RPS6KA2: variants seen among roughly 807,000 people sequenced by gnomAD.
The protein encoded by RPS6KA2 is ribosomal protein S6 kinase A2, also known as ribosomal protein S6 kinase alpha-2.
In RPS6KA2, 42 loss-of-function variants were observed where a neutral mutation model predicts 91.8. The ratio of observed to expected loss-of-function variants is 0.46; its 90% CI spans 0.36 to 0.59. The LOEUF is 0.59. Among genes scored for constraint, RPS6KA2 ranks in the 20% least tolerant of loss-of-function variants. RPS6KA2 has a pLI of 0.00. For synonymous variants in RPS6KA2, 414 were observed against 393.6 expected (o/e 1.05, Z -0.61); for missense variants, 798 against 978.5 (o/e 0.82, Z 2.46).
rs1327712300 is a variant in RPS6KA2 at position 166,626,266 on chromosome 6, A to G, written c.99+655T>C. ...TAAGATGCCAAGATGCGGGACAGGT[A>G]GAAAGGACAGGGCTTTGGGAGTACT... On this transcript the variant is annotated intron_variant, in intron 1 of 20. Coordinates refer to ENST00000265678, the MANE Select transcript of RPS6KA2 (RefSeq NM_021135.6). This position sits in a 1 kb window ranked among gnomAD's most constrained non-coding sequence, Gnocchi z 4.1. 6.6e-6 allele frequency among the ~76,000 whole-genome samples: 1 copy of G among 152,252 alleles called. No individual in the cohort carries two copies. Among genetic ancestry groups the G allele is most frequent in the Non-Finnish European group, 1.5e-5 (1 of 68,038 alleles).
In RPS6KA2 at chr6:166,424,234, A is replaced by G. The variant is rs553622087; in HGVS notation, c.1582-817T>C. Reference sequence around the variant, plus strand: ...AATCAAAGACTGTGGCTTTACTTCCATTACCTCCCCTCATTAAATACAAGC... The same window carrying G: ...AATCAAAGACTGTGGCTTTACTTCCGTTACCTCCCCTCATTAAATACAAGC... On this transcript the variant is annotated intron_variant, in intron 16 of 20. Coordinates refer to ENST00000265678, the MANE Select transcript of RPS6KA2 (RefSeq NM_021135.6). Among the ~76,000 whole-genome samples the G allele has an allele frequency of 7.9e-5, 12 of 152,260 alleles. No individual in the cohort carries two copies. In the South Asian group the frequency reaches 2.5e-3, roughly 32 times the overall value.
At chr6:166,526,750 T>C (rs6908724) in intron 3 of RPS6KA2, among the ~76,000 whole-genome samples, 29,910 of 152,170 alleles carry the variant, frequency 0.2, 3,137 homozygotes, top group African/African-American at 0.26. Context: ...ATTAGAGATA[T>C]TTCATTTCTG....
rs564288890 is a variant in RPS6KA2, at chr6:166,793,923, C to T, written c.123+64277G>A. Among the ~76,000 whole-genome samples, 472 of 148,266 alleles carry T rather than the reference C, an allele frequency of 3.2e-3. 1 individual carries two copies. Among genetic ancestry groups the T allele is most frequent in the Non-Finnish European group, 5.4e-3 (364 of 66,838 alleles). On this transcript the variant is annotated intron_variant, in intron 2 of 21. Coordinates refer to the RPS6KA2 transcript ENST00000503859. ...ACCCTAGAAGAAAACCTAGGCAATA[C>T]CATTCAGGACATAGGCATGGGCAAG...
intron 1 of RPS6KA2, among the ~76,000 whole-genome samples, chr6:166,583,575 A>T (rs1044431188): frequency 6.6e-6 from 1 of 152,228 alleles, no homozygotes; most frequent in Non-Finnish European, 1.5e-5. Context: ...TCCAGAGGTG[A>T]CAAAGGAGAG....
chr6:166,690,823 A>AT (rs1328133394), intron 2 of RPS6KA2, among the ~76,000 whole-genome samples: 2 of 151,898 alleles, frequency 1.3e-5, no homozygotes, highest in African/African-American at 4.8e-5. Context: ...TAGAATTCTC[A>AT]TTTTTTCTCA....
Position 166,635,245 on chromosome 6 carries a change from C to T in RPS6KA2, c.124-96461G>A, listed in dbSNP as rs1001028763. Among the ~76,000 whole-genome samples, 4 of 152,212 alleles carry T rather than the reference C, an allele frequency of 2.6e-5. No individual in the cohort carries two copies. Among genetic ancestry groups the T allele is most frequent in the Admixed American group, 2.6e-4 (4 of 15,292 alleles). On this transcript the variant is annotated intron_variant, in intron 2 of 21. Transcript: ENST00000503859. This position sits in a 1 kb window ranked among gnomAD's most constrained non-coding sequence, Gnocchi z 4.8. ...GTCATTCATCAACCCAGGTCCTCTG[C>T]GCATCTACTGTGCCTGCTGCTGTGG... is the stretch of plus-strand genomic sequence containing the variant.
chr6:166,654,016 T>C (rs1787937200), intron 2 of RPS6KA2, among the ~76,000 whole-genome samples: 1 of 152,242 alleles, frequency 6.6e-6, no homozygotes, highest in Non-Finnish European at 1.5e-5. Context: ...AGAAAAATCA[T>C]TTCTCAACTG....
At chr6:166,820,042 G>C (rs1248265565) in intron 2 of RPS6KA2, among the ~76,000 whole-genome samples, 2 of 152,136 alleles carry the variant, frequency 1.3e-5, no homozygotes, top group Non-Finnish European at 2.9e-5. Flanking sequence ...TGAGGTGAAG[G>C]GAAGTAGCTG....
At chr6:166,598,923 T>C (rs899583367) in intron 1 of RPS6KA2, among the ~76,000 whole-genome samples, 1 of 152,170 alleles carries the variant, frequency 6.6e-6, no homozygotes, top group Non-Finnish European at 1.5e-5. Flanking sequence ...CCAGGTGGGG[T>C]TGAAACAGTG....
At chr6:166,503,292 C>G (rs1392565359) in intron 6 of RPS6KA2, among the ~76,000 whole-genome samples, 1 of 152,232 alleles carries the variant, frequency 6.6e-6, no homozygotes, top group Non-Finnish European at 1.5e-5. Context: ...TCATCAAGCA[C>G]ATGGGCAAAT....
At chr6:166,627,255 A>G, upstream of RPS6KA2, 2 of 1,011,196 alleles carry the variant, frequency 2.0e-6, no homozygotes, top group Middle Eastern at 4.8e-4. Flanking sequence ...TGCGAGTACC[A>G]GCGCCGGCCA....
At chr6:166,579,599 C>T (rs999544829) in intron 1 of RPS6KA2, among the ~76,000 whole-genome samples, 7 of 152,302 alleles carry the variant, frequency 4.6e-5, no homozygotes, top group African/African-American at 4.8e-5. Flanking sequence ...GAACATCCTA[C>T]GTCACCATGA....
chr6:166,644,441 G>A lies in RPS6KA2; in HGVS notation c.124-105657C>T, dbSNP rs1285223551. Among the ~76,000 whole-genome samples the A allele has an allele frequency of 2.6e-5, 4 of 152,078 alleles. No individual in the cohort carries two copies. In the East Asian group the frequency reaches 5.8e-4, roughly 22 times the overall value. ...TATTCTTGTGATTACATGTCCTTCC[G>A]GGAACAACTGGCTGGAGATTCTGGT... On this transcript the variant is annotated intron_variant, in intron 2 of 21. Transcript: ENST00000503859.
chr6:166,436,524 T>G (rs1359469678), intron 14 of RPS6KA2, among the ~76,000 whole-genome samples: 1 of 151,622 alleles, frequency 6.6e-6, no homozygotes, highest in African/African-American at 2.4e-5. Context: ...CTGCATGGGG[T>G]GGGGAGGTGC....
intron 2 of RPS6KA2, among the ~76,000 whole-genome samples, chr6:166,534,452 A>G (rs571969487): frequency 2.0e-4 from 31 of 152,174 alleles, no homozygotes; most frequent in Admixed American, 1.8e-3. Flanking sequence ...CCTTCACAAT[A>G]TCCTGAGTGG....
In RPS6KA2 at chr6:166,752,157, C is replaced by T. The variant is rs114883499; in HGVS notation, c.123+106043G>A. On this transcript the variant is annotated intron_variant, in intron 2 of 21. Transcript: ENST00000503859. ...TTTTAAATAAAGACATCGTTTCTAA[C>T]TATTTTAGTCATTAATAACCTGTGA... 2.6e-3 allele frequency among the ~76,000 whole-genome samples: 391 copies of T among 152,330 alleles called. 6 individuals are homozygous for T. Among genetic ancestry groups the T allele is most frequent in the African/African-American group, 8.9e-3 (370 of 41,578 alleles).
At chr6:166,691,260 TTC>T (rs1789198803) in intron 2 of RPS6KA2, among the ~76,000 whole-genome samples, 1 of 152,180 alleles carries the variant, frequency 6.6e-6, no homozygotes, top group Non-Finnish European at 1.5e-5. Context: ...GATTCTTTCC[TTC>T]TCTGTTTTCA....
intron 11 of RPS6KA2, among the ~76,000 whole-genome samples, chr6:166,461,737 C>A (rs146587700): frequency 3.3e-5 from 5 of 152,216 alleles, no homozygotes; most frequent in Non-Finnish European, 7.4e-5. Flanking sequence ...CTGGTTGTCA[C>A]GTATTCATTC....
intron 1 of RPS6KA2, among the ~76,000 whole-genome samples, chr6:166,609,331 T>C (rs868172939): frequency 1.3e-5 from 2 of 152,130 alleles, no homozygotes; most frequent in South Asian, 4.1e-4. Context: ...TTAGATCTAC[T>C]TTCGGGGTTG....
Sources: gnomAD v4.1 joint callset for allele counts (sites outside exome capture counted in the v4.1 genomes callset) on GRCh38, gnomAD v4.1.1 for gene constraint, Gnocchi (gnomAD v3.1) non-coding constraint, MANE v1.5 for transcripts, NCBI Gene and HGNC (gene_info 2026-07-23, HGNC 2026-07-21) for gene names.